Variants in GRM7 observed in about 807,000 individuals in gnomAD.
The protein encoded by GRM7 is metabotropic glutamate receptor 7.
A neutral mutation model predicts 84.5 loss-of-function variants in GRM7; 35 were observed. The observed-to-expected ratio is 0.41, with a 90% CI of 0.32 to 0.55. The LOEUF is 0.55. Among genes scored for constraint, GRM7 ranks in the 20% least tolerant of loss-of-function variants. The pLI is 0.19. For synonymous variants in GRM7, 487 were observed against 455.1 expected (o/e 1.07, Z -0.89); for missense variants, 1,003 against 1,194.6 (o/e 0.84, Z 2.36).
At chr3:7,446,740 G>A (rs931692688) in intron 5 of GRM7, among the ~76,000 whole-genome samples, 3 of 152,030 alleles carry the variant, frequency 2.0e-5, no homozygotes, top group South Asian at 2.1e-4. Context: ...GATTACTGGC[G>A]TGAGCTACCT....
At chr3:7,689,584 C>A (rs891411934) in intron 9 of GRM7, among the ~76,000 whole-genome samples, 2 of 152,280 alleles carry the variant, frequency 1.3e-5, no homozygotes, top group Non-Finnish European at 2.9e-5. Context: ...TCTTCAAAAT[C>A]CAATTAATAT....
Position 7,156,165 on chromosome 3 carries a change from A to G in GRM7, c.736+9497A>G, listed in dbSNP as rs574108833. ...AGAAGGTGCTCATAGGAGACTAAGT[A>G]TTAGTCATGAAACAAAAAGATCATG... On this transcript the variant is annotated intron_variant, in intron 2 of 9. Coordinates refer to ENST00000357716, the MANE Select transcript of GRM7 (RefSeq NM_000844.4). Among the ~76,000 whole-genome samples, 3 of 152,292 alleles carry G rather than the reference A, an allele frequency of 2.0e-5. No individual in the cohort carries two copies. The South Asian group carries it at 6.2e-4, about 32-fold the overall frequency.
intron 2 of GRM7, among the ~76,000 whole-genome samples, chr3:7,192,095 A>T (rs1406554035): frequency 6.6e-6 from 1 of 152,076 alleles, no homozygotes; most frequent in Non-Finnish European, 1.5e-5. Flanking sequence ...TTGTAATGCG[A>T]GCTAAGGCTG....
At chr3:7,518,898 T>C (rs1319965524) in intron 7 of GRM7, among the ~76,000 whole-genome samples, 1 of 152,236 alleles carries the variant, frequency 6.6e-6, no homozygotes, top group East Asian at 1.9e-4. Flanking sequence ...TAGCTGGTCG[T>C]TTTTAAAAAT....
intron 1 of GRM7, among the ~76,000 whole-genome samples, chr3:6,944,001 G>C (rs551876927): frequency 5.3e-4 from 80 of 151,982 alleles, no homozygotes; most frequent in Non-Finnish European, 9.4e-4. Flanking sequence ...TAGAAATATT[G>C]TACATTTGGT....
chr3:7,079,638 G>A (rs1225195905), intron 1 of GRM7, among the ~76,000 whole-genome samples: 1 of 152,152 alleles, frequency 6.6e-6, no homozygotes, highest in African/African-American at 2.4e-5. Flanking sequence ...AAGGACTGGA[G>A]TGGGCAGAAT....
chr3:7,708,747 T>C lies in GRM7; in HGVS notation c.2698+28452T>C, dbSNP rs1017571908. Among the ~76,000 whole-genome samples the C allele has an allele frequency of 2.0e-4, 30 of 152,094 alleles. 1 individual carries two copies. ...CCAACATCCTACGGTTGATCTTCCCTAGCTCTCCCAGCAGCCGGGTAGGAT... is the reference window on the plus strand; with the variant it reads ...CCAACATCCTACGGTTGATCTTCCCCAGCTCTCCCAGCAGCCGGGTAGGAT... On this transcript the variant is annotated intron_variant, in intron 9 of 9. Coordinates refer to ENST00000357716, the MANE Select transcript of GRM7 (RefSeq NM_000844.4).
intron 1 of GRM7, among the ~76,000 whole-genome samples, chr3:6,979,597 G>C (rs981300978): frequency 1.3e-5 from 2 of 152,110 alleles, no homozygotes; most frequent in Non-Finnish European, 2.9e-5. Flanking sequence ...GGAGATCACA[G>C]AATAACAGTA....
chr3:7,676,757 T>C (rs1167510800), intron 8 of GRM7, among the ~76,000 whole-genome samples: 1 of 152,158 alleles, frequency 6.6e-6, no homozygotes, highest in African/African-American at 2.4e-5. Context: ...AATACCACTG[T>C]GTTACAATTG....
chr3:7,334,807 C>G (rs1055329429), intron 4 of GRM7, among the ~76,000 whole-genome samples: 1 of 152,026 alleles, frequency 6.6e-6, no homozygotes, highest in Non-Finnish European at 1.5e-5. Context: ...AAAGCAACAA[C>G]AGTTAGATAA....
chr3:7,415,224 CA>C, intron 5 of GRM7, 61 bp downstream of exon 5: 3 of 1,362,698 alleles, frequency 2.2e-6, no homozygotes, highest in Non-Finnish European at 3.1e-6. Context: ...GACATGTCTG[CA>C]TAGCTGACAG....
At chr3:6,955,833 C>A (rs1448441515) in intron 1 of GRM7, among the ~76,000 whole-genome samples, 1 of 110,214 alleles carries the variant, frequency 9.1e-6, no homozygotes, top group Non-Finnish European at 1.9e-5. Context: ...CACAGTGAGA[C>A]TCTATCTCAA....
intron 9 of GRM7, among the ~76,000 whole-genome samples, chr3:7,714,512 G>A (rs1701706749): frequency 6.6e-6 from 1 of 152,072 alleles, no homozygotes. Context: ...TGTCACCAGG[G>A]GCTTGTTAGA....
chr3:7,672,629 G>C lies in GRM7; in HGVS notation c.2452-7420G>C, dbSNP rs553637537. Among the ~76,000 whole-genome samples the C allele has an allele frequency of 5.4e-5, 8 of 147,892 alleles. No individual in the cohort carries two copies. The South Asian group carries it at 1.7e-3, about 31-fold the overall frequency. On this transcript the variant is annotated intron_variant, in intron 8 of 9. Transcript: ENST00000357716. The stretch of plus-strand genomic sequence containing the variant: ...TTTTTTTTTTTTTTTTTTTGAGACG[G>C]AGTCTCGCTCTGTCACCCAGGCTGG...
intron 2 of GRM7, among the ~76,000 whole-genome samples, chr3:7,165,082 A>G (rs1188512920): frequency 1.3e-5 from 2 of 152,236 alleles, no homozygotes; most frequent in African/African-American, 2.4e-5. Flanking sequence ...GCCACACGTA[A>G]CTGATACCCA....
At chr3:6,878,378 C>CATGTGTGTGTGTGTGTGT (rs58886076) in intron 1 of GRM7, among the ~76,000 whole-genome samples, 6 of 142,056 alleles carry the variant, frequency 4.2e-5, no homozygotes, top group African/African-American at 1.6e-4. Context: ...TATGTGTTTG[C>CATGTGTGTGTGTGTGTGT]GTGTGTGTGT....
intron 1 of GRM7, among the ~76,000 whole-genome samples, chr3:7,083,237 G>A (rs537946026): frequency 1.3e-5 from 2 of 152,214 alleles, no homozygotes; most frequent in East Asian, 1.9e-4. Context: ...TGATTAGTCA[G>A]CAGCCAACAA....
chr3:7,399,461 C>T (rs1242378889), intron 4 of GRM7, among the ~76,000 whole-genome samples: 10 of 152,182 alleles, frequency 6.6e-5, no homozygotes, highest in East Asian at 3.9e-4. Flanking sequence ...TCATTTCCTC[C>T]GGTAATGAGC....
intron 7 of GRM7, among the ~76,000 whole-genome samples, chr3:7,547,123 G>A (rs990508838): frequency 1.3e-5 from 2 of 149,524 alleles, no homozygotes; most frequent in African/African-American, 2.5e-5. Flanking sequence ...TAATGAACCC[G>A]TCCTATGCCA....
Sources: allele counts gnomAD v4.1 joint callset (sites outside exome capture counted in the v4.1 genomes callset), GRCh38; gene constraint gnomAD v4.1.1; transcripts MANE v1.5; gene names NCBI Gene and HGNC (gene_info 2026-07-23, HGNC 2026-07-21).